GPN1: variants seen among roughly 807,000 people sequenced by gnomAD.
The protein encoded by GPN1 is GPN-loop GTPase 1, also known as ATP(GTP)-binding protein.
GPN1 carries 44 observed loss-of-function variants against 55.9 expected under a neutral mutation model. The observed-to-expected ratio is 0.79, with a 90% confidence interval of 0.62 to 1.01. The LOEUF (loss-of-function observed/expected upper bound fraction) is 1.01, where lower values mean the gene tolerates loss of function less well. GPN1 is among the 50% of genes least tolerant of loss of function. GPN1 has a pLI of 0.00. For missense variants in GPN1, 466 were observed against 462.8 expected, an observed-to-expected ratio of 1.01 and a Z score of -0.06; for synonymous variants, 179 against 162.5, an observed-to-expected ratio of 1.10 and a Z score of -0.77.
chr2:27,639,842 T>C (rs758486771), intron 9 of GPN1, among the ~76,000 whole-genome samples: 17 of 152,208 alleles, frequency 1.1e-4, no homozygotes, highest in Admixed American at 4.6e-4. Context: ...TCTTTTTCAA[T>C]TTTTTATTTT....
upstream of GPN1, chr2:27,628,693 C>A: frequency 6.4e-7 from 1 of 1,551,718 alleles, no homozygotes; most frequent in Non-Finnish European, 8.7e-7. Flanking sequence ...GCTCCCCGTT[C>A]TCTGTGGGCT....
chr2:27,633,571 G>A (rs1294865283), intron 5 of GPN1, among the ~76,000 whole-genome samples: 1 of 152,158 alleles, frequency 6.6e-6, no homozygotes, highest in Admixed American at 6.5e-5. Context: ...TGCATCCCGG[G>A]TTCAAGCGAT....
At chr2:27,649,334 CTTTAGGCTGGGT>C (rs1359118042) in intron 13 of GPN1, among the ~76,000 whole-genome samples, 1 of 151,596 alleles carries the variant, frequency 6.6e-6, no homozygotes, top group African/African-American at 2.4e-5. Flanking sequence ...TCTCCTTATT[CTTTAGGCTGGGT>C]TTTACATGTA....
Position 27,629,086 on chromosome 2 carries a change from C to T in GPN1, c.28C>T (p.Leu10Phe), listed in dbSNP as rs1394744158. The T allele has an allele frequency of 3.2e-5, 51 of 1,614,116 alleles. No individual in the cohort carries two copies. Among genetic ancestry groups the T allele is most frequent in the Middle Eastern group, 1.6e-4 (1 of 6,084 alleles). The change falls in exon 1 of 14, where the codon CTC becomes TTC. Residue 10 changes from leucine to phenylalanine, a missense_variant. Coordinates refer to ENST00000610189, the MANE Select transcript of GPN1 (RefSeq NM_007266.4). ...GGCGGCGTCCGCAGCTGCCGCTGAG[C>T]TCCAGGCTTCTGGGGGTCCGCGGCA... MAASAAAAE[L>F]QASGGPRHPV...
intron 7 of GPN1, 134 bp from the exon 8 acceptor site, chr2:27,638,073 ATGT>A (rs1467243316): frequency 1.6e-6 from 1 of 606,346 alleles, no homozygotes; most frequent in African/African-American, 1.9e-5. Context: ...AGACTATATG[ATGT>A]TATGTAAAAA....
At chr2:27,646,115 C>T (rs570282634) in intron 12 of GPN1, among the ~76,000 whole-genome samples, 7 of 152,272 alleles carry the variant, frequency 4.6e-5, no homozygotes, top group African/African-American at 1.2e-4. Context: ...GATCTCGGCT[C>T]ACTGCAACCT....
chr2:27,628,480 G>A, upstream of GPN1: 1 of 1,551,522 alleles, frequency 6.4e-7, no homozygotes, highest in Non-Finnish European at 8.7e-7. Flanking sequence ...GCTAGCATCA[G>A]GAACCTGCGT....
At chr2:27,633,341 T>C (rs1211065731) in intron 5 of GPN1, among the ~76,000 whole-genome samples, 1 of 152,222 alleles carries the variant, frequency 6.6e-6, no homozygotes, top group African/African-American at 2.4e-5. Flanking sequence ...GGTCTTGCTC[T>C]GTCGCCCAGG....
upstream of GPN1, chr2:27,628,452 G>T (rs1408985703): frequency 1.9e-6 from 3 of 1,551,460 alleles, no homozygotes; most frequent in South Asian, 3.6e-5. Flanking sequence ...CACTGAGGGT[G>T]ACTGCCAAGG....
rs892126851 is a variant in GPN1, at chr2:27,631,538, A to C, written c.246-296A>C. On this transcript the variant is annotated intron_variant, in intron 3 of 13. Coordinates refer to ENST00000610189, the MANE Select transcript of GPN1 (RefSeq NM_007266.4). ...AGGATCAGAGCCGGAGGTGTTATAC[A>C]GGTGGCCTTAATGACCAATGCCAGT... 1.6e-5 allele frequency: 8 copies of C among 514,376 alleles called. No homozygotes were observed. The East Asian group carries it at 2.8e-4, about 18-fold the overall frequency. The allele number at this position is 514,376 out of a possible 1,614,324, so 31.9% of individuals were successfully genotyped here.
intron 9 of GPN1, 144 bp from the exon 10 acceptor site, chr2:27,639,899 C>T (rs10185237): frequency 1.5e-6 from 1 of 681,320 alleles, no homozygotes; most frequent in South Asian, 1.9e-5. Flanking sequence ...CTGTTTTGTT[C>T]TTTTTTAGCC....
intron 3 of GPN1, chr2:27,631,490 G>T: frequency 2.3e-6 from 1 of 437,428 alleles, no homozygotes; most frequent in Non-Finnish European, 4.1e-6. Context: ...ATCATAATCA[G>T]CAGATTGCTT....
At chr2:27,632,181 G>T (rs1254870362) in intron 4 of GPN1, among the ~76,000 whole-genome samples, 2 of 152,192 alleles carry the variant, frequency 1.3e-5, no homozygotes, top group East Asian at 3.8e-4. Flanking sequence ...TGGGATGGGG[G>T]TATTTGGGAG....
intron 13 of GPN1, among the ~76,000 whole-genome samples, chr2:27,649,389 T>A (rs990851902): frequency 2.0e-5 from 3 of 152,350 alleles, no homozygotes; most frequent in African/African-American, 7.2e-5. Context: ...TTTTAAGATG[T>A]AGTTTACCAA....
intron 10 of GPN1, 103 bp from the exon 11 acceptor site, chr2:27,641,137 G>A (rs564507936): frequency 2.7e-6 from 2 of 748,506 alleles, no homozygotes; most frequent in South Asian, 3.5e-5. Context: ...GAAGTCAGAT[G>A]TTTTATTATT....
At chr2:27,635,738 G>T (rs549467575) in intron 7 of GPN1, among the ~76,000 whole-genome samples, 1 of 152,316 alleles carries the variant, frequency 6.6e-6, no homozygotes, top group South Asian at 2.1e-4. Flanking sequence ...GATTGCTTGA[G>T]CTCAGGTGGT....
intron 2 of GPN1, 62 bp downstream of exon 2, chr2:27,630,014 G>A (rs1053118086): frequency 2.6e-5 from 25 of 959,392 alleles, no homozygotes; most frequent in African/African-American, 2.6e-4. Flanking sequence ...AAGGCCAGGC[G>A]TGGTGGCTCA....
chr2:27,640,582 C>G (rs6717638), intron 10 of GPN1, among the ~76,000 whole-genome samples: 4,011 of 152,328 alleles, frequency 0.026, 169 homozygotes, highest in African/African-American at 0.092. Flanking sequence ...GTATACAGCA[C>G]TTATCACAAT....
Position 27,647,854 on chromosome 2 carries a change from T to C in GPN1, c.950T>C (p.Leu317Pro), listed in dbSNP as rs143364238. The C allele has an allele frequency of 6.2e-7, 1 of 1,611,848 alleles. No individual in the cohort carries two copies. Among genetic ancestry groups the C allele is most frequent in the African/African-American group, 1.3e-5 (1 of 75,004 alleles). Residue 317 changes from leucine to proline, a missense_variant, in exon 13 of 14, where the codon CTG (leucine) becomes CCG (proline). Leu to Pro is a moderately conservative substitution (Grantham distance 98). Coordinates refer to ENST00000610189, the MANE Select transcript of GPN1 (RefSeq NM_007266.4). ...ACTGTAGACAGCTTATCTCCTGTGC[T>C]GCACCCTTCTGATTTGATCCTGACT... ...GTAKDSLSPV[L>P]HPSDLILTRG... is the part of the protein sequence containing the mutation.
Sources: allele counts gnomAD v4.1 joint callset (sites outside exome capture counted in the v4.1 genomes callset), GRCh38; gene constraint gnomAD v4.1.1; transcripts MANE v1.5; gene names NCBI Gene and HGNC (gene_info 2026-07-23, HGNC 2026-07-21).